MPPE1: variants seen among roughly 807,000 people sequenced by gnomAD.
The protein encoded by MPPE1 is metallophosphoesterase 1.
In MPPE1, 28 loss-of-function variants were observed where a neutral mutation model predicts 43.8. That is an observed-to-expected ratio of 0.64 (90% confidence interval 0.47 to 0.88). MPPE1 has a LOEUF of 0.88. Ranked by LOEUF, MPPE1 falls within the 40% of genes least tolerant of loss-of-function variation. The pLI, the probability that MPPE1 is intolerant of heterozygous loss-of-function variation, is 0.00. For missense variants in MPPE1, 428 were observed against 492.2 expected (o/e 0.87, Z 1.23); for synonymous variants, 159 against 188.5 (o/e 0.84, Z 1.28).
At chr18:11,903,738 G>A (rs932763988) in intron 2 of MPPE1, among the ~76,000 whole-genome samples, 2 of 152,088 alleles carry the variant, frequency 1.3e-5, no homozygotes, top group South Asian at 2.1e-4. Context: ...CCCAGGAGGC[G>A]GAGCTTGCAG....
At chr18:11,899,173 C>T (rs190434524) in intron 2 of MPPE1, among the ~76,000 whole-genome samples, 2 of 152,084 alleles carry the variant, frequency 1.3e-5, no homozygotes, top group East Asian at 3.9e-4. Context: ...CCTCAGCTTC[C>T]CAAAGTGCTA....
Position 11,886,564 on chromosome 18 carries a change from C to A in MPPE1, c.802G>T (p.Ala268Ser), listed in dbSNP as rs662515. 1 of 1,613,836 alleles carries A rather than the reference C, an allele frequency of 6.2e-7. No individual in the cohort carries two copies. The highest frequency in any genetic ancestry group is 1.3e-5 in the African/African-American group (1 of 74,862). Residue 268 changes from alanine to serine, a missense_variant, in exon 9 of 11, where the codon GCA (alanine) becomes TCA (serine). Ala to Ser is a moderately conservative substitution (Grantham distance 99). This residue lies in a region of MPPE1 where 379 missense variants were observed against 402.5 expected (regional missense o/e 0.94). Transcript: ENST00000588072. The surrounding 1 kb of genome is among the most constrained non-coding windows in gnomAD (Gnocchi z 4.1). ...ANCSGEDAAPAEERDIPFKEN... is the reference protein window; with the variant it reads ...ANCSGEDAAPSEERDIPFKEN... ...TTAAATGGGATGTCCCTTTCCTCTG[C>A]AGGAGCAGCGTCTTCCCCAGAACAG... is the stretch of plus-strand genomic sequence containing the variant.
chr18:11,893,376 C>G (rs2038218962), intron 4 of MPPE1, 92 bp downstream of exon 4: 4 of 844,158 alleles, frequency 4.7e-6, no homozygotes, highest in South Asian at 4.6e-5. Flanking sequence ...CATAAAATCT[C>G]CAGCTCAAGC....
At chr18:11,893,305 G>A (rs1371838068) in intron 4 of MPPE1, 163 bp downstream of exon 4, 1 of 577,768 alleles carries the variant, frequency 1.7e-6, no homozygotes, top group Non-Finnish European at 3.1e-6. Flanking sequence ...GATAGCCTAT[G>A]AATTCTAATC....
Position 11,886,047 on chromosome 18 carries a change from G to A in MPPE1, c.868-231C>T, listed in dbSNP as rs528352467. On this transcript the variant is annotated intron_variant, in intron 9 of 10. Transcript: ENST00000588072. The surrounding 1 kb of genome is among the most constrained non-coding windows in gnomAD (Gnocchi z 4.1). ...ATCCCAGATTTTATATACTTTTTACGGTATTTTATCTTTATAAATATTTTA... is the reference window on the plus strand; with the variant it reads ...ATCCCAGATTTTATATACTTTTTACAGTATTTTATCTTTATAAATATTTTA... 89 of 309,688 alleles carry A rather than the reference G, an allele frequency of 2.9e-4. No individual in the cohort carries two copies. Among genetic ancestry groups the A allele is most frequent in the African/African-American group, 1.5e-3 (67 of 46,030 alleles). The allele number at this position is 309,688 out of a possible 1,614,324, so 19.2% of individuals were successfully genotyped here. A position where few individuals can be genotyped will look rare whatever the true frequency, so the allele number is the denominator to read the frequency against.
At chr18:11,900,815 G>A (rs1310083829) in intron 2 of MPPE1, among the ~76,000 whole-genome samples, 1 of 151,464 alleles carries the variant, frequency 6.6e-6, no homozygotes, top group Non-Finnish European at 1.5e-5. Context: ...GATGAGGCAG[G>A]AGAATGGCGT....
intron 4 of MPPE1, among the ~76,000 whole-genome samples, chr18:11,890,185 G>A (rs112235095): frequency 0.03 from 4,597 of 152,050 alleles, 119 homozygotes; most frequent in Middle Eastern, 0.099. Flanking sequence ...CTCATGATCC[G>A]CCCGCCTCGG....
intron 6 of MPPE1, 69 bp from the exon 7 acceptor site, chr18:11,887,094 T>A (rs2037397983): frequency 8.6e-7 from 1 of 1,168,222 alleles, no homozygotes; most frequent in African/African-American, 1.5e-5. Context: ...ACTGTTCCCA[T>A]GAAAAGAAAG....
At position 11,884,640 on chromosome 18, in the gene MPPE1, A is replaced by C; in HGVS notation, c.1009-13T>G. Reference sequence around the variant, plus strand: ...GCGTGATGCTACCCTGGAAAGGAGAAGGGAAAGTTATGCTGAGAGCACCAG... The same window carrying C: ...GCGTGATGCTACCCTGGAAAGGAGACGGGAAAGTTATGCTGAGAGCACCAG... On this transcript the variant is annotated splice_polypyrimidine_tract_variant and intron_variant, in intron 10 of 10. Coordinates refer to ENST00000588072, the MANE Select transcript of MPPE1 (RefSeq NM_023075.6). The C allele has an allele frequency of 6.2e-7, 1 of 1,612,110 alleles. No individual in the cohort carries two copies. The highest frequency in any genetic ancestry group is 8.5e-7 in the Non-Finnish European group (1 of 1,178,746).
rs186677142 is a variant in MPPE1, at chr18:11,904,359, C to T, written c.-93+1844G>A. ...AGACAAGGTCTCGCCCTGTCACCCA[C>T]GCTGGAGTACAGTAGTGTGATCCCA... On this transcript the variant is annotated intron_variant, in intron 2 of 10. Transcript: ENST00000588072. 3.4e-3 allele frequency among the ~76,000 whole-genome samples: 514 copies of T among 151,682 alleles called. 2 individuals carry two copies. Among genetic ancestry groups the T allele is most frequent in the Middle Eastern group, 6.8e-3 (2 of 294 alleles).
chr18:11,894,237 G>A (rs1035247507), intron 3 of MPPE1, among the ~76,000 whole-genome samples: 1 of 151,948 alleles, frequency 6.6e-6, no homozygotes, highest in African/African-American at 2.4e-5. Flanking sequence ...GAGCAGCCTG[G>A]CCAATATCAT....
At chr18:11,900,806 A>C (rs368466471) in intron 2 of MPPE1, among the ~76,000 whole-genome samples, 76 of 151,318 alleles carry the variant, frequency 5.0e-4, no homozygotes, top group East Asian at 1.6e-3. Context: ...ACTCGGGAGG[A>C]TGAGGCAGGA....
chr18:11,905,088 C>A (rs1420232550), intron 2 of MPPE1: 2 of 152,144 alleles, frequency 1.3e-5, no homozygotes, highest in East Asian at 3.9e-4. Context: ...AGGGAGATCA[C>A]TTGAGGCCAG....
intron 3 of MPPE1, among the ~76,000 whole-genome samples, chr18:11,894,741 C>T (rs1283166565): frequency 6.6e-6 from 1 of 152,102 alleles, no homozygotes; most frequent in Non-Finnish European, 1.5e-5. Flanking sequence ...CAGGCATGTG[C>T]CACCACACCC....
rs199806223 is a variant in MPPE1, at chr18:11,886,569, G to A, written c.797C>T (p.Ala266Val). The A allele has an allele frequency of 1.2e-6, 2 of 1,614,198 alleles. No homozygotes were observed. Among genetic ancestry groups the A allele is most frequent in the African/African-American group, 1.3e-5 (1 of 75,052 alleles). The change falls in exon 9 of 11, where the codon GCT becomes GTT. Residue 266 changes from alanine (A) to valine (V), a missense_variant. Physicochemically the swap from Ala to Val is moderately conservative, Grantham distance 64. Around this residue, in one of 3 missense-constraint regions of MPPE1, gnomAD observed 379 missense variants for 402.5 expected, o/e 0.94. Transcript: ENST00000588072. This position sits in a 1 kb window ranked among gnomAD's most constrained non-coding sequence, Gnocchi z 4.1. Reference sequence around the variant, plus strand: ...TGGGATGTCCCTTTCCTCTGCAGGAGCAGCGTCTTCCCCAGAACAGTTAGC... The same window carrying A: ...TGGGATGTCCCTTTCCTCTGCAGGAACAGCGTCTTCCCCAGAACAGTTAGC... ...SDANCSGEDA[A>V]PAEERDIPFK...
In MPPE1 at chr18:11,897,131, G is replaced by A. The variant is rs781328811; in HGVS notation, c.134C>T (p.Ala45Val). ...TTCAGGCCAATTACACTGAAAGATCGCTAAGTAATAGATTAAAAATTCACA... is the reference window on the plus strand; with the variant it reads ...TTCAGGCCAATTACACTGAAAGATCACTAAGTAATAGATTAAAAATTCACA... ...LFCEFLIYYL[A>V]IFQCNWPEVK... Residue 45 changes from alanine (A) to valine (V), a missense_variant, in exon 3 of 11, where the codon GCG becomes GTG. Physicochemically the swap from Ala to Val is moderately conservative, Grantham distance 64. This residue lies in a region of MPPE1 where 48 missense variants were observed against 73.5 expected (regional missense o/e 0.65). Transcript: ENST00000588072. The A allele has an allele frequency of 2.2e-5, 32 of 1,435,984 alleles. No homozygotes were observed. Among genetic ancestry groups the A allele is most frequent in the South Asian group, 1.3e-4 (11 of 84,566 alleles). The allele number at this position is 1,435,984 out of a possible 1,614,324, so 89.0% of individuals were successfully genotyped here.
At chr18:11,905,402 T>A (rs1246058191) in intron 2 of MPPE1, 1 of 152,184 alleles carries the variant, frequency 6.6e-6, no homozygotes, top group African/African-American at 2.4e-5. Context: ...ACTCATTGAA[T>A]TAGCATTCCC....
chr18:11,889,248 T>G (rs1197539258), intron 5 of MPPE1, 139 bp downstream of exon 5: 1 of 563,632 alleles, frequency 1.8e-6, no homozygotes, highest in Admixed American at 3.5e-5. Context: ...CTTAAAGAGT[T>G]TAATATCCCA....
At position 11,884,504 on chromosome 18, in the gene MPPE1, G is replaced by A. The variant is rs988829900; in HGVS notation, c.1132C>T (p.Leu378Phe). 1.9e-6 allele frequency: 3 copies of A among 1,614,026 alleles called. No individual in the cohort carries two copies. Among genetic ancestry groups the A allele is most frequent in the African/African-American group, 1.3e-5 (1 of 74,918 alleles). ...CCAGAAAGAAAAGGTGAGGCTAGAA[G>A]CCCAAAGTGAGTGAGTGTGAGGACC... is the stretch of plus-strand genomic sequence containing the variant. ...LVVLTLTHFG[L>F]LASPFLSGLN... The change falls in exon 11 of 11, where the codon CTT (leucine) becomes TTT (phenylalanine). Residue 378 changes from leucine (L) to phenylalanine (F), a missense_variant. Physicochemically the swap from Leu to Phe is conservative, Grantham distance 22 (BLOSUM62 0). Coordinates refer to ENST00000588072, the MANE Select transcript of MPPE1 (RefSeq NM_023075.6).
Sources: gnomAD v4.1 joint callset for allele counts (sites outside exome capture counted in the v4.1 genomes callset) on GRCh38, gnomAD v4.1.1 for gene constraint, gnomAD v4.1.1 regional missense constraint, Gnocchi (gnomAD v3.1) non-coding constraint, MANE v1.5 for transcripts, NCBI Gene and HGNC (gene_info 2026-07-23, HGNC 2026-07-21) for gene names.